EPS15L1: variants seen among roughly 807,000 people sequenced by gnomAD.
The protein encoded by EPS15L1 is epidermal growth factor receptor substrate 15-like 1.
In EPS15L1, 43 loss-of-function variants were observed where a neutral mutation model predicts 117.1. That is an observed-to-expected ratio of 0.37 (90% CI 0.29 to 0.47). EPS15L1 has a LOEUF of 0.47. Among genes scored for constraint, EPS15L1 ranks in the 20% least tolerant of loss-of-function variants. The pLI is 0.99. For missense variants in EPS15L1, 981 were observed against 1,164.0 expected (o/e 0.84, Z 2.29); for synonymous variants, 459 against 470.5 (o/e 0.98, Z 0.32).
chr19:16,369,453 G>T (rs985089589), intron 22 of EPS15L1, among the ~76,000 whole-genome samples: 40 of 152,220 alleles, frequency 2.6e-4, no homozygotes, highest in African/African-American at 8.7e-4. Context: ...TGCCCTGTGA[G>T]GTGTGTGAGG....
rs530240956 is a variant in EPS15L1, at chr19:16,376,252, G to C, written c.2380+870C>G. On this transcript the variant is annotated intron_variant, in intron 22 of 23. Transcript: ENST00000455140. The stretch of plus-strand genomic sequence containing the variant: ...TAGAGAATAGGAGGCGTCCCAGACC[G>C]GGGCACAGATGGAACAGGCAATGAC... Among the ~76,000 whole-genome samples, 54 of 152,292 alleles carry C rather than the reference G, an allele frequency of 3.5e-4. No individual in the cohort carries two copies. In the South Asian group the frequency reaches 3.7e-3, roughly 11 times the overall value.
intron 16 of EPS15L1, among the ~76,000 whole-genome samples, chr19:16,398,767 G>C (rs1170195049): frequency 1.3e-5 from 2 of 152,096 alleles, no homozygotes; most frequent in Non-Finnish European, 2.9e-5. Context: ...CTCCGCTTCT[G>C]ACCAGGGCAG....
At chr19:16,428,149 C>G (rs1242632645) in intron 8 of EPS15L1, among the ~76,000 whole-genome samples, 1 of 148,824 alleles carries the variant, frequency 6.7e-6, no homozygotes, top group African/African-American at 2.5e-5. Flanking sequence ...TGCAGTGAAC[C>G]AAGATTACAC....
intron 9 of EPS15L1, among the ~76,000 whole-genome samples, chr19:16,422,327 CT>C (rs1250436767): frequency 6.6e-6 from 1 of 152,220 alleles, no homozygotes. Context: ...CCTACTCCAC[CT>C]GCATTACCGC....
intron 4 of EPS15L1, among the ~76,000 whole-genome samples, chr19:16,439,021 C>T (rs75038043): frequency 0.013 from 2,049 of 152,000 alleles, 41 homozygotes; most frequent in African/African-American, 0.047. Flanking sequence ...CCAGGACCCA[C>T]CACACAAAGG....
chr19:16,447,232 C>T (rs1307551263), intron 1 of EPS15L1, among the ~76,000 whole-genome samples: 1 of 152,192 alleles, frequency 6.6e-6, no homozygotes, highest in East Asian at 1.9e-4. Flanking sequence ...TGGGGTATGT[C>T]TAACCTTCCT....
At position 16,385,023 on chromosome 19, in the gene EPS15L1, G is replaced by A. The variant is rs889056617; in HGVS notation, c.2247+106C>T. 73 of 870,796 alleles carry A rather than the reference G, an allele frequency of 8.4e-5. No homozygotes were observed. In the African/African-American group the frequency reaches 9.1e-4, roughly 11 times the overall value. The allele number at this position is 870,796 out of a possible 1,614,324, so 53.9% of individuals were successfully genotyped here. On this transcript the variant is annotated intron_variant, in intron 21 of 23. Transcript: ENST00000455140. ...CCTGACCTTGTGTTGGAAAGGTGCC[G>A]GGGAGATACATACGTGACATGAACA...
intron 22 of EPS15L1, among the ~76,000 whole-genome samples, chr19:16,372,933 C>A (rs914213375): frequency 6.6e-6 from 1 of 152,266 alleles, no homozygotes; most frequent in Non-Finnish European, 1.5e-5. Flanking sequence ...GGCCTCAGTT[C>A]TCCTGTCCTG....
rs1471904511 is a variant in EPS15L1, at chr19:16,383,201, C to G, written c.2247+1928G>C. On this transcript the variant is annotated intron_variant, in intron 21 of 23. Transcript: ENST00000455140. This position sits in a 1 kb window ranked among gnomAD's most constrained non-coding sequence, Gnocchi z 5.2. ...AGCTCTGTCCAACTCTGTCCTGGCC[C>G]GGCACCGCCAATAGGAAGTGAGACC... 6.6e-6 allele frequency: 1 copy of G among 152,070 alleles called. No homozygotes were observed. Among genetic ancestry groups the G allele is most frequent in the Non-Finnish European group, 1.5e-5 (1 of 68,022 alleles). The allele number at this position is 152,070 out of a possible 1,614,324, so 9.4% of individuals were successfully genotyped here. A position where few individuals can be genotyped will look rare whatever the true frequency, so the allele number is the denominator to read the frequency against.
intron 4 of EPS15L1, among the ~76,000 whole-genome samples, chr19:16,438,622 T>C (rs1599650335): frequency 6.6e-6 from 1 of 152,100 alleles, no homozygotes; most frequent in African/African-American, 2.4e-5. Context: ...CTCAAACTCA[T>C]GGGCTCAAGC....
intron 12 of EPS15L1, 97 bp downstream of exon 12, chr19:16,417,455 G>A: frequency 9.7e-7 from 1 of 1,029,360 alleles, no homozygotes. Flanking sequence ...AACCTGTGAT[G>A]AGCAAACTTC....
chr19:16,422,989 AAG>A, intron 9 of EPS15L1, among the ~76,000 whole-genome samples: 2 of 151,898 alleles, frequency 1.3e-5, no homozygotes, highest in East Asian at 3.9e-4. Context: ...GGATTTCTCA[AAG>A]AGTTCTCACA....
At chr19:16,436,340 G>A (rs1454842276) in intron 6 of EPS15L1, among the ~76,000 whole-genome samples, 1 of 152,220 alleles carries the variant, frequency 6.6e-6, no homozygotes, top group Non-Finnish European at 1.5e-5. Flanking sequence ...ACTTCCTTTA[G>A]AAGGAATTCT....
chr19:16,461,171 G>A (rs1400243863), intron 1 of EPS15L1, among the ~76,000 whole-genome samples: 1 of 152,004 alleles, frequency 6.6e-6, no homozygotes, highest in African/African-American at 2.4e-5. Flanking sequence ...GGGCGTGGTG[G>A]CAGGCGCCTG....
intron 17 of EPS15L1, among the ~76,000 whole-genome samples, chr19:16,394,653 C>T (rs551071194): frequency 3.9e-5 from 6 of 152,330 alleles, no homozygotes; most frequent in African/African-American, 1.4e-4. Context: ...GGACAGACTC[C>T]TAAAATTATC....
At position 16,405,430 on chromosome 19, in the gene EPS15L1, T is replaced by A. The variant is rs1343343521; in HGVS notation, c.1267-681A>T. 6.6e-6 allele frequency among the ~76,000 whole-genome samples: 1 copy of A among 152,202 alleles called. No individual in the cohort carries two copies. Among genetic ancestry groups the A allele is most frequent in the East Asian group, 1.9e-4 (1 of 5,198 alleles). On this transcript the variant is annotated intron_variant, in intron 13 of 23. Transcript: ENST00000455140. This position sits in a 1 kb window ranked among gnomAD's most constrained non-coding sequence, Gnocchi z 4.0. ...TCATGATTCTGTTTCTGAAGCTCTC[T>A]CTGACCCCGTGGGATGGATCCAGAT...
chr19:16,452,838 C>T (rs1172700471), intron 1 of EPS15L1, among the ~76,000 whole-genome samples: 1 of 151,732 alleles, frequency 6.6e-6, no homozygotes, highest in Non-Finnish European at 1.5e-5. Flanking sequence ...GCTCTGTCCC[C>T]CAAGCTGGAG....
At position 16,417,859 on chromosome 19, in the gene EPS15L1, C is replaced by T. The variant is rs895838537; in HGVS notation, c.1107+89G>A. 9 of 1,514,698 alleles carry T rather than the reference C, an allele frequency of 5.9e-6. No individual in the cohort carries two copies. In the African/African-American group the frequency reaches 6.9e-5, roughly 12 times the overall value. The allele number at this position is 1,514,698 out of a possible 1,614,324, so 93.8% of individuals were successfully genotyped here. A position where few individuals can be genotyped will look rare whatever the true frequency, so the allele number is the denominator to read the frequency against. On this transcript the variant is annotated intron_variant, in intron 11 of 23. Transcript: ENST00000455140. ...AGGGACCACAGGCAGCACCCGCCAC[C>T]GTGGGCTCATGTGTGCCACCAGTGC... is the stretch of plus-strand genomic sequence containing the variant.
At chr19:16,462,679 AAGT>A (rs1407727285) in intron 1 of EPS15L1, among the ~76,000 whole-genome samples, 1 of 152,108 alleles carries the variant, frequency 6.6e-6, no homozygotes. Context: ...AGAAAAAATA[AAGT>A]AAAACAAAGA....
Sources: gnomAD v4.1 joint callset for allele counts (sites outside exome capture counted in the v4.1 genomes callset) on GRCh38, gnomAD v4.1.1 for gene constraint, Gnocchi (gnomAD v3.1) non-coding constraint, MANE v1.5 for transcripts, NCBI Gene and HGNC (gene_info 2026-07-23, HGNC 2026-07-21) for gene names.